The following AUH variants were observed in gnomAD, a reference collection of about 807,000 sequenced individuals.
AUH encodes AU RNA binding methylglutaconyl-CoA hydratase.
Under a neutral mutation model 42.3 loss-of-function variants are expected in AUH, and 29 were observed. The ratio of observed to expected loss-of-function variants is 0.69; its 90% CI spans 0.51 to 0.93. The LOEUF is 0.93. AUH is among the 40% of genes least tolerant of loss of function. AUH has a pLI of 0.00. For synonymous variants in AUH, 174 were observed against 166.4 expected (o/e 1.05, Z -0.35); for missense variants, 452 against 438.1 (o/e 1.03, Z -0.28).
intron 6 of AUH, among the ~76,000 whole-genome samples, chr9:91,256,512 A>C (rs1342573960): frequency 6.6e-6 from 1 of 152,042 alleles, no homozygotes; most frequent in Non-Finnish European, 1.5e-5. Context: ...GACACGGAGA[A>C]GGGAGAGGAG....
intron 4 of AUH, chr9:91,306,449 A>G: frequency 1.1e-6 from 1 of 889,708 alleles, no homozygotes; most frequent in Non-Finnish European, 1.3e-6. Context: ...AAAAGATAAC[A>G]TACCATAAGT....
chr9:91,300,491 C>T (rs1455058484), intron 4 of AUH, among the ~76,000 whole-genome samples: 1 of 152,192 alleles, frequency 6.6e-6, no homozygotes, highest in Non-Finnish European at 1.5e-5. Flanking sequence ...GTTCTGGGTC[C>T]CATCATTTCT....
At chr9:91,248,999 G>C (rs189556238) in intron 6 of AUH, among the ~76,000 whole-genome samples, 6 of 152,160 alleles carry the variant, frequency 3.9e-5, no homozygotes, top group Admixed American at 3.9e-4. Flanking sequence ...AATGAGTAAA[G>C]AATACAACAT....
chr9:91,309,095 A>AATTGG, intron 4 of AUH, among the ~76,000 whole-genome samples: 1 of 151,110 alleles, frequency 6.6e-6, no homozygotes, highest in Non-Finnish European at 1.5e-5. Context: ...CCTGGTCTTA[A>AATTGG]CTTTTATCTT....
intron 6 of AUH, among the ~76,000 whole-genome samples, chr9:91,281,100 C>T (rs1299054835): frequency 6.6e-6 from 1 of 152,030 alleles, no homozygotes; most frequent in African/African-American, 2.4e-5. Context: ...TGATTTTTTC[C>T]CCCCTGAAAT....
At chr9:91,216,439 GACACAC>G (rs113531404) in intron 8 of AUH, among the ~76,000 whole-genome samples, 25,727 of 149,558 alleles carry the variant, frequency 0.17, 2,288 homozygotes, top group East Asian at 0.27. Flanking sequence ...TTTATGTCGC[GACACAC>G]ACACACACAC....
At chr9:91,341,205 T>G (rs561689424) in intron 3 of AUH, among the ~76,000 whole-genome samples, 5 of 152,264 alleles carry the variant, frequency 3.3e-5, no homozygotes, top group Non-Finnish European at 5.9e-5. Context: ...AGCCTCCCAC[T>G]GCCCACAATG....
intron 1 of AUH, 87 bp downstream of exon 1, chr9:91,361,541 T>G: frequency 1.3e-6 from 2 of 1,507,336 alleles, no homozygotes; most frequent in Non-Finnish European, 1.8e-6. Context: ...CGACCCCGCG[T>G]CCTGCCGGCG....
intron 4 of AUH, among the ~76,000 whole-genome samples, chr9:91,314,325 C>T (rs1031613678): frequency 4.0e-5 from 6 of 151,456 alleles, no homozygotes; most frequent in Admixed American, 1.3e-4. Context: ...GGAAACATGA[C>T]GAAACAACAC....
At position 91,356,162 on chromosome 9, in the gene AUH, A is replaced by G. The variant is rs748264280; in HGVS notation, c.263-7T>C. 2 of 1,612,752 alleles carry G rather than the reference A, an allele frequency of 1.2e-6. No individual in the cohort carries two copies. Among genetic ancestry groups the G allele is most frequent in the Non-Finnish European group, 1.7e-6 (2 of 1,179,164 alleles). Reference sequence around the variant, plus strand: ...ATTCCAAGCACCACAATTCCTAGTTAAAGGGGAAAAAAAGTACAAGCACTT... The same window carrying G: ...ATTCCAAGCACCACAATTCCTAGTTGAAGGGGAAAAAAAGTACAAGCACTT... On this transcript the variant is annotated splice_polypyrimidine_tract_variant and splice_region_variant and intron_variant, in intron 1 of 9. Coordinates refer to ENST00000375731, the MANE Select transcript of AUH (RefSeq NM_001698.3).
chr9:91,286,871 G>A (rs533212221), intron 6 of AUH, among the ~76,000 whole-genome samples: 20 of 152,126 alleles, frequency 1.3e-4, no homozygotes, highest in Middle Eastern at 3.4e-3. Context: ...TGTATGTCAT[G>A]GTGACCACAG....
At chr9:91,306,247 T>C (rs991110614) in intron 4 of AUH, 1 of 615,602 alleles carries the variant, frequency 1.6e-6, no homozygotes, top group Admixed American at 6.3e-5. Flanking sequence ...CAAAAAACCC[T>C]CCCTAAGGGA....
intron 6 of AUH, among the ~76,000 whole-genome samples, chr9:91,284,116 T>C (rs1383582142): frequency 1.3e-5 from 2 of 151,910 alleles, no homozygotes; most frequent in Non-Finnish European, 2.9e-5. Context: ...AAAACAGAGA[T>C]ACAGACCAAT....
At chr9:91,347,537 C>A (rs182057575) in intron 3 of AUH, among the ~76,000 whole-genome samples, 1 of 152,042 alleles carries the variant, frequency 6.6e-6, no homozygotes, top group Non-Finnish European at 1.5e-5. Context: ...GACAAGCTGC[C>A]CCCCCATCCT....
chr9:91,264,833 C>T (rs1829886752), intron 6 of AUH, among the ~76,000 whole-genome samples: 1 of 152,164 alleles, frequency 6.6e-6, no homozygotes, highest in African/African-American at 2.4e-5. Context: ...ACTTTGCTAT[C>T]TTATATCTAG....
intron 3 of AUH, among the ~76,000 whole-genome samples, chr9:91,336,953 T>C (rs1830741771): frequency 6.6e-6 from 1 of 152,242 alleles, no homozygotes; most frequent in Middle Eastern, 3.2e-3. Flanking sequence ...ATCAAGCCAA[T>C]GACTTGTTTT....
intron 4 of AUH, among the ~76,000 whole-genome samples, chr9:91,321,632 T>C (rs1383785115): frequency 6.6e-6 from 1 of 152,054 alleles, no homozygotes; most frequent in Non-Finnish European, 1.5e-5. Flanking sequence ...ACAGGAAAAA[T>C]GAAGATAGGA....
At chr9:91,232,973 T>C (rs1478327409) in intron 6 of AUH, among the ~76,000 whole-genome samples, 2 of 152,226 alleles carry the variant, frequency 1.3e-5, no homozygotes, top group Non-Finnish European at 2.9e-5. Context: ...TAGGACCATT[T>C]TGGAATTCCT....
chr9:91,294,691 T>G (rs765758158), intron 6 of AUH: 9 of 455,912 alleles, frequency 2.0e-5, no homozygotes, highest in Non-Finnish European at 4.0e-5. Flanking sequence ...ACATTCATGA[T>G]TCATGGGAAG....
Sources: allele counts gnomAD v4.1 joint callset (sites outside exome capture counted in the v4.1 genomes callset), GRCh38; gene constraint gnomAD v4.1.1; transcripts MANE v1.5; gene names NCBI Gene and HGNC (gene_info 2026-07-23, HGNC 2026-07-21).